The following PIWIL1 variants were observed in gnomAD, a reference collection of about 807,000 sequenced individuals.
PIWIL1 encodes piwi-like protein 1.
In PIWIL1, 73 loss-of-function variants were observed where a neutral mutation model predicts 114.4. That is an observed-to-expected ratio of 0.64 (90% CI 0.53 to 0.78). The LOEUF (loss-of-function observed/expected upper bound fraction) is 0.78, where lower values mean the gene tolerates loss of function less well. Among genes scored for constraint, PIWIL1 ranks in the 30% least tolerant of loss-of-function variants. PIWIL1 has a pLI of 0.00. For synonymous variants in PIWIL1, 375 were observed against 369.0 expected (o/e 1.02, Z -0.19); for missense variants, 723 against 1,063.1 (o/e 0.68, Z 4.45).
chr12:130,357,505 A>C lies in PIWIL1; in HGVS notation c.1617A>C (p.Glu539Asp), dbSNP rs1322982057. The change falls in exon 14 of 21, where the codon GAA (glutamate) becomes GAC (aspartate). Residue 539 changes from glutamate to aspartate, a missense_variant. By Grantham distance (45) the Glu-to-Asp change is conservative (BLOSUM62 2). This residue lies in a region of PIWIL1 where 298 missense variants were observed against 420.8 expected (regional missense o/e 0.71). Transcript: ENST00000245255. ...GGATTGAAGTGGATGACAGAACTGA[A>C]GCCTACTTAAGAGTCTTACAGCAAA... is the stretch of plus-strand genomic sequence containing the variant. ...AIMIEVDDRT[E>D]AYLRVLQQKV... The C allele has an allele frequency of 1.2e-6, 2 of 1,613,536 alleles. No homozygotes were observed. The highest frequency in any genetic ancestry group is 1.7e-6 in the Non-Finnish European group (2 of 1,179,450).
intron 1 of PIWIL1, 137 bp from the exon 2 acceptor site, chr12:130,342,443 T>G: frequency 1.6e-6 from 1 of 623,474 alleles, no homozygotes; most frequent in Non-Finnish European, 2.9e-6. Flanking sequence ...AAACTGTCAT[T>G]AAAGATTAGA....
At chr12:130,364,895 C>T (rs2073611936) in intron 18 of PIWIL1, among the ~76,000 whole-genome samples, 1 of 152,192 alleles carries the variant, frequency 6.6e-6, no homozygotes, top group Non-Finnish European at 1.5e-5. Flanking sequence ...GAATAGAGGT[C>T]ATAGTGCAAG....
the PIWIL1 span, among the ~76,000 whole-genome samples, chr12:130,400,902 C>CA: frequency 6.6e-6 from 1 of 152,120 alleles, no homozygotes; most frequent in East Asian, 1.9e-4. Flanking sequence ...ACACTACTAT[C>CA]AAAAACAAAA....
the PIWIL1 span, among the ~76,000 whole-genome samples, chr12:130,409,160 G>A: frequency 1.1e-4 from 16 of 152,090 alleles, no homozygotes; most frequent in African/African-American, 3.9e-4. Flanking sequence ...CCAGCGTGCA[G>A]TACTTTACGT....
In PIWIL1 at chr12:130,371,566, C is replaced by T. The variant is rs372364939; in HGVS notation, c.2554C>T (p.Leu852=). 13 of 1,613,816 alleles carry T rather than the reference C, an allele frequency of 8.1e-6. No individual in the cohort carries two copies. In the African/African-American group the frequency reaches 1.5e-4, roughly 18 times the overall value. ...VGQSIHREPN[L]SLSNRLYYL ...CCAGAGTATTCACAGAGAGCCAAAT[C>T]TGTCACTGTCAAACCGCCTTTACTA... The change falls in exon 21 of 21, where the codon CTG becomes TTG. Residue 852 remains leucine (L), a synonymous_variant. Transcript: ENST00000245255.
At chr12:130,364,738 T>C (rs2073608795) in intron 18 of PIWIL1, among the ~76,000 whole-genome samples, 1 of 152,194 alleles carries the variant, frequency 6.6e-6, no homozygotes, top group African/African-American at 2.4e-5. Context: ...GTGTGGTGTG[T>C]GCAGCAGGCA....
chr12:130,347,948 T>C (rs928834524), intron 6 of PIWIL1, among the ~76,000 whole-genome samples, 155 bp from the exon 7 acceptor site: 1 of 152,200 alleles, frequency 6.6e-6, no homozygotes, highest in Non-Finnish European at 1.5e-5. Flanking sequence ...TTGAAAACCG[T>C]TGGTAACTCA....
the PIWIL1 span, among the ~76,000 whole-genome samples, chr12:130,388,100 C>G: frequency 1.3e-5 from 2 of 152,154 alleles, no homozygotes; most frequent in Non-Finnish European, 2.9e-5. Context: ...TGTCCCTTTC[C>G]TGAAGAATGT....
the PIWIL1 span, chr12:130,424,690 T>C: frequency 2.4e-6 from 3 of 1,231,786 alleles, no homozygotes; most frequent in Admixed American, 8.4e-5. This position sits in a 1 kb window ranked among gnomAD's most constrained non-coding sequence, Gnocchi z 9.8. Context: ...GCCAGCCCCG[T>C]CCTGGCCCTG....
Position 130,338,129 on chromosome 12 carries a change from C to T in PIWIL1, c.-30C>T, listed in dbSNP as rs2072760566. ...TGAGGTGCAAGGACCAGGACTAGGG[C>T]GAGGGCAGCGGTCCAAGGTGCGGGG... On this transcript the variant is annotated 5_prime_UTR_variant, in exon 1 of 21. Coordinates refer to ENST00000245255, the MANE Select transcript of PIWIL1 (RefSeq NM_004764.5). 6.7e-6 allele frequency: 2 copies of T among 297,572 alleles called. No homozygotes were observed. Among genetic ancestry groups the T allele is most frequent in the East Asian group, 1.4e-4 (1 of 7,110 alleles). The allele number at this position is 297,572 out of a possible 1,614,324, so 18.4% of individuals were successfully genotyped here.
At chr12:130,377,257 G>T (rs1350623995), downstream of PIWIL1, among the ~76,000 whole-genome samples, 1 of 152,172 alleles carries the variant, frequency 6.6e-6, no homozygotes, top group African/African-American at 2.4e-5. Flanking sequence ...TTTATTGAAC[G>T]GATAGGTGAA....
chr12:130,338,646 A>G (rs2072789317), intron 1 of PIWIL1, among the ~76,000 whole-genome samples: 1 of 46,504 alleles, frequency 2.2e-5, no homozygotes, highest in Non-Finnish European at 3.9e-5. Context: ...GCGAGGTCCC[A>G]GGTGTGGGAG....
the PIWIL1 span, chr12:130,425,232 G>A: frequency 0.055 from 9,854 of 179,378 alleles, 444 homozygotes; most frequent in Admixed American, 0.13. Context: ...GAGACTGCCC[G>A]GGGGCTACAT....
the PIWIL1 span, among the ~76,000 whole-genome samples, chr12:130,403,565 CTT>C: frequency 1.3e-5 from 2 of 152,130 alleles, no homozygotes; most frequent in Admixed American, 6.6e-5. Flanking sequence ...CAAATAAAAA[CTT>C]TTGTGCAACT....
At chr12:130,375,961 A>G (rs535414839), downstream of PIWIL1, among the ~76,000 whole-genome samples, 1 of 152,140 alleles carries the variant, frequency 6.6e-6, no homozygotes, top group Admixed American at 6.5e-5. Context: ...GTTCCTTCTC[A>G]GTCTCTTGCT....
rs1181871337 is a variant in PIWIL1, at chr12:130,362,224, CCCACCTT to C, written c.1971-536_1971-530del. Among the ~76,000 whole-genome samples, 37 of 152,302 alleles carry C rather than the reference CCCACCTT, an allele frequency of 2.4e-4. 1 individual carries two copies. Among genetic ancestry groups the C allele is most frequent in the African/African-American group, 8.2e-4 (34 of 41,556 alleles). ...TATTTTTTCTGCTCTTCTCCCTCCT[CCCACCTT>C]CCACCCCCAAGTAGGCCCTGGTGTC... On this transcript the variant is annotated intron_variant, in intron 16 of 20. Coordinates refer to ENST00000245255, the MANE Select transcript of PIWIL1 (RefSeq NM_004764.5).
At chr12:130,374,910 C>G (rs761662812), downstream of PIWIL1, among the ~76,000 whole-genome samples, 1 of 152,300 alleles carries the variant, frequency 6.6e-6, no homozygotes, top group African/African-American at 2.4e-5. Flanking sequence ...TTAACAAACT[C>G]GGCTTTCTCC....
At chr12:130,393,873 T>C in the PIWIL1 span, among the ~76,000 whole-genome samples, 1 of 152,198 alleles carries the variant, frequency 6.6e-6, no homozygotes, top group Admixed American at 6.5e-5. Flanking sequence ...GCTCCCATCC[T>C]CCCCAATATC....
intron 9 of PIWIL1, among the ~76,000 whole-genome samples, chr12:130,353,512 G>A (rs1037237985): frequency 4.6e-5 from 7 of 152,072 alleles, no homozygotes; most frequent in Non-Finnish European, 1.0e-4. Flanking sequence ...TGGTAGGAAA[G>A]AGGATCTTTG....
Sources: gnomAD v4.1 joint callset for allele counts (sites outside exome capture counted in the v4.1 genomes callset) on GRCh38, gnomAD v4.1.1 for gene constraint, gnomAD v4.1.1 regional missense constraint, Gnocchi (gnomAD v3.1) non-coding constraint, MANE v1.5 for transcripts, NCBI Gene and HGNC (gene_info 2026-07-23, HGNC 2026-07-21) for gene names.